SPG21: variants seen among roughly 807,000 people sequenced by gnomAD.
The protein encoded by SPG21 is maspardin.
SPG21 carries 26 observed loss-of-function variants against 38.9 expected under a neutral mutation model. That is an observed-to-expected ratio of 0.67 (90% confidence interval 0.49 to 0.93). The LOEUF (loss-of-function observed/expected upper bound fraction) is 0.93. Among genes scored for constraint, SPG21 ranks in the 40% least tolerant of loss-of-function variants. The pLI is 0.00. For synonymous variants in SPG21, 136 were observed against 128.9 expected (o/e 1.05, Z -0.37); for missense variants, 333 against 376.5 (o/e 0.88, Z 0.96).
chr15:64,983,134 T>C, intron 2 of SPG21: 1 of 288,328 alleles, frequency 3.5e-6, no homozygotes. Context: ...AGCGCATGCC[T>C]GTAATCCTAG....
intron 4 of SPG21, among the ~76,000 whole-genome samples, chr15:64,975,686 G>T (rs2085760272): frequency 6.6e-6 from 1 of 152,110 alleles, no homozygotes; most frequent in South Asian, 2.1e-4. Flanking sequence ...CATTATTCAT[G>T]ATATCCAAAG....
chr15:64,964,336 T>C (rs751228561), intron 8 of SPG21, among the ~76,000 whole-genome samples: 1 of 152,318 alleles, frequency 6.6e-6, no homozygotes, highest in Non-Finnish European at 1.5e-5. Flanking sequence ...CTTCTGCTGC[T>C]GTGAGTTAGG....
At chr15:64,984,142 C>G (rs2140449796) in intron 1 of SPG21, among the ~76,000 whole-genome samples, 1 of 152,244 alleles carries the variant, frequency 6.6e-6, no homozygotes, top group South Asian at 2.1e-4. Context: ...GAAAAGGAAT[C>G]TGGTCTAGAA....
intron 1 of SPG21, among the ~76,000 whole-genome samples, chr15:64,984,573 G>A (rs577520913): frequency 1.3e-5 from 2 of 152,096 alleles, no homozygotes; most frequent in East Asian, 3.9e-4. Flanking sequence ...CACTGGTCTC[G>A]AATTCCTAGG....
At chr15:64,970,884 C>A (rs965803642) in intron 5 of SPG21, among the ~76,000 whole-genome samples, 1 of 152,082 alleles carries the variant, frequency 6.6e-6, no homozygotes, top group Admixed American at 6.6e-5. Flanking sequence ...CGACTACAGG[C>A]ACATGCCACC....
chr15:64,969,638 G>A (rs2085619208), intron 6 of SPG21, among the ~76,000 whole-genome samples: 1 of 151,832 alleles, frequency 6.6e-6, no homozygotes. Flanking sequence ...AGGTGCCCAT[G>A]GGCAGCAAGC....
chr15:64,981,650 G>C (rs981970639), intron 2 of SPG21: 6 of 151,774 alleles, frequency 4.0e-5, no homozygotes, highest in African/African-American at 1.5e-4. Flanking sequence ...ACTCCAGCCT[G>C]AGCAACAGAG....
rs1032083911 is a variant in SPG21, at chr15:64,989,907, A to G, written c.-267T>C. On this transcript the variant is annotated 5_prime_UTR_variant, in exon 1 of 9. Coordinates refer to ENST00000204566, the MANE Select transcript of SPG21 (RefSeq NM_016630.7). ...GCCCGACCGCCGCTCAGCTGGCGCG[A>G]GACTCCCGCTTCCGGGTTCTCAGAG... The G allele has an allele frequency of 7.0e-6, 1 of 143,210 alleles. No homozygotes were observed. Among genetic ancestry groups the G allele is most frequent in the African/African-American group, 3.0e-5 (1 of 33,024 alleles). 8.9% of individuals were successfully genotyped at this position (143,210 alleles called of 1,614,324 possible).
At chr15:64,980,278 G>A (rs564610072) in intron 3 of SPG21, among the ~76,000 whole-genome samples, 6 of 152,148 alleles carry the variant, frequency 3.9e-5, no homozygotes, top group Non-Finnish European at 8.8e-5. Flanking sequence ...GCTCTGAGTT[G>A]AGAGAAGGGC....
In SPG21 at chr15:64,976,518, C is replaced by G. The variant is rs2085777117; in HGVS notation, c.263G>C (p.Cys88Ser). 6.2e-7 allele frequency: 1 copy of G among 1,613,340 alleles called. No individual in the cohort carries two copies. Among genetic ancestry groups the G allele is most frequent in the Non-Finnish European group, 8.5e-7 (1 of 1,179,438 alleles). Residue 88 changes from cysteine to serine, a missense_variant, in exon 4 of 9, where the codon TGT (cysteine) becomes TCT (serine). By Grantham distance (112) the Cys-to-Ser change is moderately radical. Coordinates refer to ENST00000204566, the MANE Select transcript of SPG21 (RefSeq NM_016630.7). ...GTCTAAAAGTTTTCTGAATCCATCA[C>G]AGAACTCGAGATGGTCCCAATAAAC... Reference protein sequence around the residue: ...YPVYWDHLEFCDGFRKLLDHL... With the variant: ...YPVYWDHLEFSDGFRKLLDHL...
chr15:64,969,144 C>G lies in SPG21; in HGVS notation c.669+111G>C, dbSNP rs947613892. ...AAAGCTGGAGGGTAAAAACAAAAGCCAAGGCAGCATTTGAAGAGGTACATT... is the reference window on the plus strand; with the variant it reads ...AAAGCTGGAGGGTAAAAACAAAAGCGAAGGCAGCATTTGAAGAGGTACATT... On this transcript the variant is annotated intron_variant, in intron 7 of 8. Coordinates refer to ENST00000204566, the MANE Select transcript of SPG21 (RefSeq NM_016630.7). 5 of 779,474 alleles carry G rather than the reference C, an allele frequency of 6.4e-6. No individual in the cohort carries two copies. The African/African-American group carries it at 8.7e-5, about 14-fold the overall frequency. The allele number at this position is 779,474 out of a possible 1,614,324, so 48.3% of individuals were successfully genotyped here.
At chr15:64,987,568 C>T (rs939991004) in intron 1 of SPG21, 3 of 152,212 alleles carry the variant, frequency 2.0e-5, no homozygotes, top group Admixed American at 2.0e-4. Context: ...ACCATGAGCT[C>T]AAAACTGATT....
Position 64,970,195 on chromosome 15 carries a change from G to T in SPG21, c.480C>A (p.Leu160=). ...AAAAATTTCCAAGAACTATTTTTTT[G>T]AGCATAAATGCAGGCATCAGCCAAA... is the stretch of plus-strand genomic sequence containing the variant. ...NSFWLMPAFM[L]KKIVLGNFSS... The change falls in exon 6 of 9, where the codon CTC becomes CTA. Residue 160 remains leucine, a synonymous_variant. Coordinates refer to ENST00000204566, the MANE Select transcript of SPG21 (RefSeq NM_016630.7). 3 of 1,613,946 alleles carry T rather than the reference G, an allele frequency of 1.9e-6. No individual in the cohort carries two copies. Among genetic ancestry groups the T allele is most frequent in the Non-Finnish European group, 1.7e-6 (2 of 1,180,004 alleles).
chr15:64,981,971 C>T (rs2085893512), intron 2 of SPG21, among the ~76,000 whole-genome samples: 1 of 152,116 alleles, frequency 6.6e-6, no homozygotes, highest in Admixed American at 6.5e-5. Context: ...GGTGGCAGCA[C>T]ACTAACCAGG....
At chr15:64,979,182 T>G (rs1281204745) in intron 3 of SPG21, among the ~76,000 whole-genome samples, 1 of 152,150 alleles carries the variant, frequency 6.6e-6, no homozygotes, top group Admixed American at 6.5e-5. Flanking sequence ...AACAAGAACC[T>G]TGAGAGTGAA....
At chr15:64,969,634 C>T (rs898969282) in intron 6 of SPG21, among the ~76,000 whole-genome samples, 4 of 152,110 alleles carry the variant, frequency 2.6e-5, no homozygotes, top group Admixed American at 6.5e-5. Flanking sequence ...AGCCAGGTGC[C>T]CATGGGCAGC....
At chr15:64,976,429 AAT>A in intron 4 of SPG21, 44 bp downstream of exon 4, 1 of 1,447,824 alleles carries the variant, frequency 6.9e-7, no homozygotes, top group Non-Finnish European at 9.7e-7. Flanking sequence ...CATCTCAAAA[AAT>A]AAAAAAAAAA....
At chr15:64,983,271 T>TAA (rs1555401141) in intron 2 of SPG21, 2 of 209,630 alleles carry the variant, frequency 9.5e-6, no homozygotes, top group South Asian at 1.2e-4. Context: ...CAAAAATAAA[T>TAA]ATAAATAAAT....
At chr15:64,987,457 G>A (rs2086018570) in intron 1 of SPG21, 1 of 152,206 alleles carries the variant, frequency 6.6e-6, no homozygotes, top group Admixed American at 6.5e-5. Context: ...ATCCACCAAA[G>A]GGGTATACTT....
Sources: gnomAD v4.1 joint callset for allele counts (sites outside exome capture counted in the v4.1 genomes callset) on GRCh38, gnomAD v4.1.1 for gene constraint, MANE v1.5 for transcripts, NCBI Gene and HGNC (gene_info 2026-07-23, HGNC 2026-07-21) for gene names.